ATM: variants seen among roughly 807,000 people sequenced by gnomAD.
ATM encodes the protein serine-protein kinase ATM.
Under a neutral mutation model 387.0 loss-of-function variants are expected in ATM, and 308 were observed. The ratio of observed to expected loss-of-function variants is 0.80; its 90% CI spans 0.73 to 0.87. ATM has a LOEUF of 0.87. ATM is among the 40% of genes least tolerant of loss of function. The probability of loss-of-function intolerance (pLI) is 0.00; values close to 1 mark genes in which losing one functional copy is unlikely to be tolerated. For missense variants in ATM, 3,312 were observed against 3,560.9 expected, an observed-to-expected ratio of 0.93 and a Z score of 1.78; for synonymous variants, 1,156 against 1,187.3, an observed-to-expected ratio of 0.97 and a Z score of 0.54.
intron 43 of ATM, 131 bp downstream of exon 43, chr11:108,317,652 T>TATATATATATATATATATATAC (rs1399501257): frequency 2.6e-5 from 3 of 117,456 alleles, no homozygotes; most frequent in Non-Finnish European, 4.3e-5. Flanking sequence ...TATATATATA[T>TATATATATATATATATATATAC]ACACACACAC....
At chr11:108,331,207 C>G (rs935665876) in intron 50 of ATM, 2 of 1,211,662 alleles carry the variant, frequency 1.7e-6, no homozygotes, top group African/African-American at 3.1e-5. Context: ...TATTCTAGTT[C>G]TGAATCCAGT....
chr11:108,306,266 C>G (rs1001729986), intron 37 of ATM, among the ~76,000 whole-genome samples: 5 of 152,074 alleles, frequency 3.3e-5, no homozygotes, highest in Admixed American at 2.6e-4. Flanking sequence ...ATAGGCTGTT[C>G]TCTAAATGAT....
intron 61 of ATM, among the ~76,000 whole-genome samples, chr11:108,358,313 G>A (rs1264052): frequency 0.36 from 49,537 of 138,614 alleles, 9,265 homozygotes; most frequent in East Asian, 0.55. Context: ...CCAAATCTAC[G>A]TCTGATTGGT....
chr11:108,288,418 T>C (rs530489239), intron 27 of ATM, among the ~76,000 whole-genome samples: 8 of 152,070 alleles, frequency 5.3e-5, no homozygotes, highest in Non-Finnish European at 1.2e-4. Flanking sequence ...CAATTTAATT[T>C]GGATGTGAAT....
rs587780640 is a variant in ATM at position 108,334,992 on chromosome 11, AAATCTGGTGACTATAC to A, written c.8036_8051del (p.Asn2679SerfsTer9). 3 of 1,613,596 alleles carry A rather than the reference AAATCTGGTGACTATAC, an allele frequency of 1.9e-6. No homozygotes were observed. Among genetic ancestry groups the A allele is most frequent in the Non-Finnish European group, 8.5e-7 (1 of 1,179,570 alleles). The stretch of plus-strand genomic sequence containing the variant: ...AGGTGGACCACACAGGAGAATATGG[AAATCTGGTGACTATAC>A]AGTCATTTAAAGCAGAATTTCGCTT... On this transcript the variant is annotated frameshift_variant, in exon 55 of 63. Transcript: ENST00000675843. LOFTEE classifies it high-confidence loss of function.
intron 10 of ATM, 122 bp downstream of exon 10, chr11:108,251,194 A>G: frequency 6.9e-7 from 1 of 1,446,402 alleles, no homozygotes; most frequent in Non-Finnish European, 9.5e-7. Context: ...ATTCTATTTC[A>G]GATGCTTTTC....
intron 54 of ATM, among the ~76,000 whole-genome samples, chr11:108,334,270 T>C (rs1356946931): frequency 6.6e-6 from 1 of 152,206 alleles, no homozygotes; most frequent in Non-Finnish European, 1.5e-5. Context: ...CCAAGATTAA[T>C]TTTTGACTTG....
At chr11:108,364,073 C>T (rs1434056062) in intron 61 of ATM, among the ~76,000 whole-genome samples, 1 of 152,064 alleles carries the variant, frequency 6.6e-6, no homozygotes, top group Non-Finnish European at 1.5e-5. Flanking sequence ...ATTTAATGGT[C>T]CTGGAGGACA....
chr11:108,236,197 C>A, intron 5 of ATM: 1 of 279,658 alleles, frequency 3.6e-6, no homozygotes, highest in Non-Finnish European at 6.9e-6. Context: ...GACACCTAAA[C>A]TCAACCATGA....
At chr11:108,246,740 A>G (rs774435041) in intron 7 of ATM, among the ~76,000 whole-genome samples, 8 of 152,200 alleles carry the variant, frequency 5.3e-5, no homozygotes, top group Non-Finnish European at 8.8e-5. Context: ...AGGTCAGAAT[A>G]TGGAAGAAAT....
intron 5 of ATM, 122 bp from the exon 6 acceptor site, chr11:108,243,831 A>G (rs934675191): frequency 1.1e-6 from 1 of 898,128 alleles, no homozygotes; most frequent in Non-Finnish European, 1.7e-6. Flanking sequence ...TTAAAAATAA[A>G]TTAGTGCAGT....
In ATM at chr11:108,299,735, G is replaced by C. The variant is rs1565473530; in HGVS notation, c.5027G>C (p.Gly1676Ala). 1 of 1,613,828 alleles carries C rather than the reference G, an allele frequency of 6.2e-7. No individual in the cohort carries two copies. Among genetic ancestry groups the C allele is most frequent in the Non-Finnish European group, 8.5e-7 (1 of 1,179,884 alleles). ...EVLEAVGSCLGEVGPIDFSTI... is the reference protein window; with the variant it reads ...EVLEAVGSCLAEVGPIDFSTI... ...GTAGAGGCTGTTGGAAGCTGCTTGG[G>C]AGAAGTGGGTCCTATAGATTTCTCT... Residue 1676 changes from glycine (G) to alanine (A), a missense_variant, in exon 34 of 63, where the codon GGA (glycine) becomes GCA (alanine). By Grantham distance (60) the Gly-to-Ala change is moderately conservative. This residue lies in a region of ATM where 1,405 missense variants were observed against 1,604.4 expected (regional missense o/e 0.88). Coordinates refer to ENST00000675843, the MANE Select transcript of ATM (RefSeq NM_000051.4).
Position 108,229,285 on chromosome 11 carries a change from G to A in ATM, c.293G>A (p.Ser98Asn), listed in dbSNP as rs2078890964. ...ASRQKKMQEI[S>N]SLVKYFIKCA... The stretch of plus-strand genomic sequence containing the variant: ...AGGCAGAAAAAGATGCAGGAAATCA[G>A]TAGTTTGGTCAAATACTTCATCAAA... Residue 98 changes from serine to asparagine, a missense_variant, in exon 4 of 63, where the codon AGT becomes AAT. Transcript: ENST00000675843. 1 of 1,613,314 alleles carries A rather than the reference G, an allele frequency of 6.2e-7. No individual in the cohort carries two copies. Among genetic ancestry groups the A allele is most frequent in the South Asian group, 1.1e-5 (1 of 91,058 alleles).
Position 108,303,136 on chromosome 11 carries a change from CTG to C in ATM, c.5496+109_5496+110del. Reference sequence around the variant, plus strand: ...TCACATAATATCACCCCCACTCAAACTGTTGTAAATTTATTAAAGTGAGCATC... The same window carrying C: ...TCACATAATATCACCCCCACTCAAACTTGTAAATTTATTAAAGTGAGCATC... On this transcript the variant is annotated intron_variant, in intron 36 of 62. Transcript: ENST00000675843. 5 of 1,161,338 alleles carry C rather than the reference CTG, an allele frequency of 4.3e-6. No individual in the cohort carries two copies. The South Asian group carries it at 5.8e-5, about 13-fold the overall frequency. 71.9% of individuals were successfully genotyped at this position (1,161,338 alleles called of 1,614,324 possible).
At chr11:108,229,052 A>G in intron 3 of ATM, 126 bp from the exon 4 acceptor site, 1 of 888,000 alleles carries the variant, frequency 1.1e-6, no homozygotes, top group Non-Finnish European at 1.7e-6. Context: ...TGTTTTTTTC[A>G]GCTGATGTAG....
intron 59 of ATM, among the ~76,000 whole-genome samples, chr11:108,353,130 A>C (rs1314033911): frequency 6.6e-6 from 1 of 152,152 alleles, no homozygotes; most frequent in Non-Finnish European, 1.5e-5. Flanking sequence ...AAGTGAACAT[A>C]TAATTATCTC....
intron 42 of ATM, among the ~76,000 whole-genome samples, chr11:108,316,346 A>C (rs2136138259): frequency 6.6e-6 from 1 of 152,300 alleles, no homozygotes; most frequent in Middle Eastern, 3.4e-3. Context: ...TTGACCTAAA[A>C]GATAGTGTAG....
At chr11:108,306,729 A>C (rs962150724) in intron 37 of ATM, among the ~76,000 whole-genome samples, 5 of 152,248 alleles carry the variant, frequency 3.3e-5, no homozygotes, top group Admixed American at 1.3e-4. Context: ...TCTGATGGCT[A>C]TAAGCCTCAT....
At position 108,252,029 on chromosome 11, in the gene ATM, C is replaced by T. The variant is rs750715942; in HGVS notation, c.1800C>T (p.His600=). Residue 600 remains histidine, a splice_region_variant and synonymous_variant, in exon 11 of 63, where the codon CAC becomes CAT. Transcript: ENST00000675843. ...GCACAGAAGTGCCTCCAATTCTTCA[C>T]AGGTAATTTAAGTTCATTAGCATGC... ...ENSTEVPPIL[H]SNFPHLVLEK... 1 of 1,611,234 alleles carries T rather than the reference C, an allele frequency of 6.2e-7. No individual in the cohort carries two copies. The highest frequency in any genetic ancestry group is 2.2e-5 in the East Asian group (1 of 44,830).
Sources: gnomAD v4.1 joint callset for allele counts (sites outside exome capture counted in the v4.1 genomes callset) on GRCh38, gnomAD v4.1.1 for gene constraint, gnomAD v4.1.1 regional missense constraint, MANE v1.5 for transcripts, NCBI Gene and HGNC (gene_info 2026-07-23, HGNC 2026-07-21) for gene names.